CNGB3: variants seen among roughly 807,000 people sequenced by gnomAD.
The protein encoded by CNGB3 is cyclic nucleotide-gated channel beta-3.
CNGB3 carries 86 observed loss-of-function variants against 92.8 expected under a neutral mutation model. That is an observed-to-expected ratio of 0.93 (90% confidence interval 0.78 to 1.11). CNGB3 has a LOEUF of 1.11. Among genes scored for constraint, CNGB3 ranks in the 50% least tolerant of loss-of-function variants. The pLI is 0.00. For missense variants in CNGB3, 1,026 were observed against 956.8 expected (o/e 1.07, Z -0.95); for synonymous variants, 333 against 332.7 (o/e 1.00, Z -0.01).
chr8:86,605,689 T>C (rs932699082), intron 14 of CNGB3, among the ~76,000 whole-genome samples: 3 of 152,232 alleles, frequency 2.0e-5, no homozygotes, highest in Admixed American at 6.5e-5. Flanking sequence ...GCTGAGAGAA[T>C]GTCTACTTTG....
At position 86,618,383 on chromosome 8, in the gene CNGB3, A is replaced by T. The variant is rs188114596; in HGVS notation, c.1579-6712T>A. ...ATTTTACCTGTGTAGAAACTCCCAC[A>T]TGGTTGCATCAGTTTTATTTCTCCA... On this transcript the variant is annotated intron_variant, in intron 13 of 17. Transcript: ENST00000320005. Among the ~76,000 whole-genome samples, 38 of 152,286 alleles carry T rather than the reference A, an allele frequency of 2.5e-4. No homozygotes were observed. In the East Asian group the frequency reaches 6.9e-3, roughly 28 times the overall value.
rs1294388414 is a variant in CNGB3 at position 86,739,717 on chromosome 8, T to C, written c.149A>G (p.Glu50Gly). 6.2e-7 allele frequency: 1 copy of C among 1,613,634 alleles called. No homozygotes were observed. Among genetic ancestry groups the C allele is most frequent in the Admixed American group, 1.7e-5 (1 of 60,000 alleles). ...TTAQEENKGE[E>G]KSLKTKSTPV... ...AGTTGACTTGGTTTTGAGAGATTTC[T>C]CTTCACCTTTGTTTTCTTCCTTTGA... Residue 50 changes from glutamate to glycine, a missense_variant, in exon 2 of 18, where the codon GAG becomes GGG. Coordinates refer to ENST00000320005, the MANE Select transcript of CNGB3 (RefSeq NM_019098.5).
chr8:86,655,865 G>A (rs1263494937), intron 6 of CNGB3, among the ~76,000 whole-genome samples: 10 of 152,130 alleles, frequency 6.6e-5, no homozygotes, highest in Non-Finnish European at 1.5e-4. Flanking sequence ...CTTATATGTA[G>A]TAAAGGATTT....
chr8:86,618,833 T>C (rs1276933711), intron 13 of CNGB3, among the ~76,000 whole-genome samples: 4 of 152,230 alleles, frequency 2.6e-5, no homozygotes, highest in Non-Finnish European at 5.9e-5. Flanking sequence ...AAGTAGGATG[T>C]CACTGCTGGG....
chr8:86,604,446 T>C (rs1447560682), intron 14 of CNGB3, among the ~76,000 whole-genome samples: 2 of 152,174 alleles, frequency 1.3e-5, no homozygotes, highest in Non-Finnish European at 2.9e-5. Context: ...ACTGTTTGCC[T>C]CCCTTGGATA....
At position 86,668,065 on chromosome 8, in the gene CNGB3, C is replaced by T; in HGVS notation, c.597G>A (p.Glu199=). 6.2e-7 allele frequency: 1 copy of T among 1,613,752 alleles called. No individual in the cohort carries two copies. The highest frequency in any genetic ancestry group is 1.1e-5 in the South Asian group (1 of 91,050). ...TTGGAAGTTTAATTCGCTTTAAGTA[C>T]TCTGTTAAAGGCATCTTTTTGACTT... is the stretch of plus-strand genomic sequence containing the variant. ...WFKVKKMPLT[E]YLKRIKLPNS... The change falls in exon 5 of 18, where the codon GAG becomes GAA. Residue 199 remains glutamate (E), a synonymous_variant. Coordinates refer to ENST00000320005, the MANE Select transcript of CNGB3 (RefSeq NM_019098.5).
At chr8:86,629,777 A>G (rs528879899) in intron 11 of CNGB3, among the ~76,000 whole-genome samples, 1 of 152,270 alleles carries the variant, frequency 6.6e-6, no homozygotes, top group Non-Finnish European at 1.5e-5. Flanking sequence ...TAGTTCTTGG[A>G]TGTTTATAAC....
chr8:86,702,718 T>C (rs1229266425), intron 3 of CNGB3, among the ~76,000 whole-genome samples: 1 of 152,192 alleles, frequency 6.6e-6, no homozygotes, highest in Non-Finnish European at 1.5e-5. Flanking sequence ...TCAAGATGAA[T>C]GCTTGCACAT....
intron 6 of CNGB3, among the ~76,000 whole-genome samples, chr8:86,654,380 G>A (rs1297899959): frequency 6.6e-6 from 1 of 152,042 alleles, no homozygotes; most frequent in East Asian, 1.9e-4. Flanking sequence ...TTGCATCAAG[G>A]CTAACAGTGC....
chr8:86,595,232 G>T (rs1035283173), intron 15 of CNGB3, among the ~76,000 whole-genome samples: 1 of 152,156 alleles, frequency 6.6e-6, no homozygotes, highest in Non-Finnish European at 1.5e-5. Flanking sequence ...ATACAGATTT[G>T]CCCCTGGATA....
rs1418522886 is a variant in CNGB3, at chr8:86,658,309, C to G, written c.853-4247G>C. On this transcript the variant is annotated intron_variant, in intron 6 of 17. Coordinates refer to ENST00000320005, the MANE Select transcript of CNGB3 (RefSeq NM_019098.5). ...ATGGCCTCCCGACTCTCCAGTTCCT[C>G]CGGGATGCTTGGCATGAGCGGAAGC... 8.0e-6 allele frequency: 4 copies of G among 496,984 alleles called. No homozygotes were observed. In the Admixed American group the frequency reaches 1.1e-4, roughly 14 times the overall value. The allele number at this position is 496,984 out of a possible 1,614,324, so 30.8% of individuals were successfully genotyped here.
intron 15 of CNGB3, among the ~76,000 whole-genome samples, chr8:86,592,575 T>G (rs1407446188): frequency 6.6e-6 from 1 of 152,204 alleles, no homozygotes; most frequent in Admixed American, 6.5e-5. Context: ...TGCAAACCAA[T>G]CAGGCAGCCT....
chr8:86,628,877 A>G (rs1237770017), intron 12 of CNGB3, 42 bp downstream of exon 12: 5 of 1,607,498 alleles, frequency 3.1e-6, no homozygotes, highest in East Asian at 2.2e-5. Flanking sequence ...TCATCATATG[A>G]CAAGGTTTAC....
intron 10 of CNGB3, among the ~76,000 whole-genome samples, chr8:86,638,243 A>C (rs1823112507): frequency 6.6e-6 from 1 of 152,174 alleles, no homozygotes; most frequent in African/African-American, 2.4e-5. Flanking sequence ...AAATACCTAC[A>C]TTGGAATTTT....
chr8:86,592,612 T>C (rs1223599882), intron 15 of CNGB3, among the ~76,000 whole-genome samples: 3 of 152,170 alleles, frequency 2.0e-5, no homozygotes, highest in Non-Finnish European at 4.4e-5. Context: ...TTTAGAATGA[T>C]TAATGCTTTA....
At chr8:86,705,420 C>T (rs370194185) in intron 3 of CNGB3, among the ~76,000 whole-genome samples, 22 of 152,120 alleles carry the variant, frequency 1.4e-4, no homozygotes, top group African/African-American at 4.8e-4. Context: ...CCAACCCACC[C>T]GCAAATGTCC....
At chr8:86,730,661 T>C (rs1825141617) in intron 2 of CNGB3, among the ~76,000 whole-genome samples, 1 of 152,198 alleles carries the variant, frequency 6.6e-6, no homozygotes, top group Non-Finnish European at 1.5e-5. Context: ...TTTTAAGAAG[T>C]ATATGATTAA....
In CNGB3 at chr8:86,576,143, A is replaced by G. The variant is rs771653889; in HGVS notation, c.2104-13T>C. 16 of 1,599,928 alleles carry G rather than the reference A, an allele frequency of 1.0e-5. No homozygotes were observed. Among genetic ancestry groups the G allele is most frequent in the East Asian group, 8.9e-5 (4 of 44,728 alleles). On this transcript the variant is annotated splice_polypyrimidine_tract_variant and intron_variant, in intron 17 of 17. Coordinates refer to ENST00000320005, the MANE Select transcript of CNGB3 (RefSeq NM_019098.5). ...AATTTTCTTTCTTCTGGAAGGAGCAATTACAAAGAACTGGTGTTGAAATCG... is the reference window on the plus strand; with the variant it reads ...AATTTTCTTTCTTCTGGAAGGAGCAGTTACAAAGAACTGGTGTTGAAATCG...
intron 4 of CNGB3, among the ~76,000 whole-genome samples, chr8:86,668,923 G>A: frequency 6.6e-6 from 1 of 152,134 alleles, no homozygotes; most frequent in East Asian, 1.9e-4. Flanking sequence ...GAAGGCTGAG[G>A]CAAGAGGATC....
Sources: gnomAD v4.1 joint callset for allele counts (sites outside exome capture counted in the v4.1 genomes callset) on GRCh38, gnomAD v4.1.1 for gene constraint, MANE v1.5 for transcripts, NCBI Gene and HGNC (gene_info 2026-07-23, HGNC 2026-07-21) for gene names.